CHLSN: variants seen among roughly 807,000 people sequenced by gnomAD.
The protein encoded by CHLSN is protein cholesin.
At chr7:999,700 C>T in the CHLSN span, among the ~76,000 whole-genome samples, 3 of 152,170 alleles carry the variant, frequency 2.0e-5, no homozygotes, top group South Asian at 2.1e-4. Flanking sequence ...AACACAGGCA[C>T]GGCAGGAGAA....
the CHLSN span, among the ~76,000 whole-genome samples, chr7:1,011,264 CACCCACACCCAGAT>C: frequency 4.3e-5 from 6 of 140,352 alleles, no homozygotes; most frequent in Non-Finnish European, 4.6e-5. Context: ...ATACCCAACA[CACCCACACCCAGAT>C]ACCCACACAT....
At chr7:1,092,215 A>G in the CHLSN span, 1 of 1,612,992 alleles carries the variant, frequency 6.2e-7, no homozygotes, top group Admixed American at 1.7e-5. Flanking sequence ...GGCCAGGGCC[A>G]TGCGCTGCAG....
At chr7:1,016,782 A>ACAGCGCACAGCAGCGCC in the CHLSN span, among the ~76,000 whole-genome samples, 2 of 63,538 alleles carry the variant, frequency 3.1e-5, 1 homozygote, top group Non-Finnish European at 5.7e-5. Context: ...ACAGCAGCGC[A>ACAGCGCACAGCAGCGCC]CAGCACACAG....
chr7:982,276 G>A, the CHLSN span, among the ~76,000 whole-genome samples: 9 of 152,368 alleles, frequency 5.9e-5, no homozygotes, highest in South Asian at 4.1e-4. Flanking sequence ...GGACCAACCC[G>A]GGAGGGGTGA....
At chr7:1,017,449 A>AG in the CHLSN span, among the ~76,000 whole-genome samples, 5 of 152,098 alleles carry the variant, frequency 3.3e-5, no homozygotes, top group African/African-American at 1.2e-4. Flanking sequence ...GGTGTGCATG[A>AG]GGCAGGCGCT....
At chr7:1,121,236 C>T in the CHLSN span, among the ~76,000 whole-genome samples, 2 of 151,684 alleles carry the variant, frequency 1.3e-5, no homozygotes, top group African/African-American at 2.4e-5. Flanking sequence ...AAAATTCAGT[C>T]GGCAGACAAC....
At chr7:998,457 CTTTTTTTTTTT>C in the CHLSN span, among the ~76,000 whole-genome samples, 3 of 95,026 alleles carry the variant, frequency 3.2e-5, no homozygotes, top group East Asian at 6.2e-4. Context: ...GTCTTAGATT[CTTTTTTTTTTT>C]TTTTTTTTTT....
At chr7:1,057,135 T>G in the CHLSN span, among the ~76,000 whole-genome samples, 1 of 152,002 alleles carries the variant, frequency 6.6e-6, no homozygotes, top group Non-Finnish European at 1.5e-5. Flanking sequence ...CACAGACATC[T>G]AGTAAACTTC....
the CHLSN span, among the ~76,000 whole-genome samples, chr7:1,007,702 C>CT: frequency 6.6e-6 from 1 of 152,180 alleles, no homozygotes; most frequent in African/African-American, 2.4e-5. Flanking sequence ...AGAGTCCCCC[C>CT]TCCTCCCACA....
At chr7:1,023,672 CACA>C in the CHLSN span, among the ~76,000 whole-genome samples, 426 of 104,748 alleles carry the variant, frequency 4.1e-3, 1 homozygote, top group African/African-American at 0.013. This position sits in a 1 kb window ranked among gnomAD's most constrained non-coding sequence, Gnocchi z 5.0. Context: ...CACACACACA[CACA>C]CACCAGCAAC....
chr7:1,030,250 C>T, the CHLSN span, among the ~76,000 whole-genome samples: 8 of 152,220 alleles, frequency 5.3e-5, no homozygotes, highest in Non-Finnish European at 1.2e-4. Context: ...ATAAACGCGC[C>T]AATCCTGCTC....
At chr7:1,029,029 G>A in the CHLSN span, 1 of 153,532 alleles carries the variant, frequency 6.5e-6, no homozygotes, top group East Asian at 1.9e-4. Context: ...TGAATACGTG[G>A]ATGAGTCACG....
At chr7:1,054,228 G>A in the CHLSN span, among the ~76,000 whole-genome samples, 26 of 152,216 alleles carry the variant, frequency 1.7e-4, no homozygotes, top group East Asian at 2.1e-3. Context: ...CGCAAAGCGC[G>A]TCACCTTCCA....
At chr7:1,113,173 T>C in the CHLSN span, among the ~76,000 whole-genome samples, 2 of 151,284 alleles carry the variant, frequency 1.3e-5, no homozygotes, top group Non-Finnish European at 2.9e-5. Flanking sequence ...TCCACGTCGA[T>C]GTCCTGGGGA....
the CHLSN span, among the ~76,000 whole-genome samples, chr7:1,103,841 C>T: frequency 1.3e-5 from 2 of 152,246 alleles, no homozygotes; most frequent in Non-Finnish European, 2.9e-5. Context: ...CAACCCGGAA[C>T]TAGCTTGGGG....
chr7:1,034,340 T>A, the CHLSN span, among the ~76,000 whole-genome samples: 1 of 150,856 alleles, frequency 6.6e-6, no homozygotes, highest in Non-Finnish European at 1.5e-5. Context: ...AGACATAAAT[T>A]CTCCCAAAAT....
the CHLSN span, among the ~76,000 whole-genome samples, chr7:1,068,088 C>T: frequency 9.2e-5 from 14 of 152,268 alleles, 1 homozygote; most frequent in Middle Eastern, 3.4e-3. Flanking sequence ...CAGTAAGGTC[C>T]GCTTCTCTGT....
chr7:986,928 G>C, the CHLSN span: 1 of 1,324,594 alleles, frequency 7.5e-7, no homozygotes, highest in Non-Finnish European at 1.0e-6. Flanking sequence ...GGGCCTCTCA[G>C]AGCCTCAGTC....
the CHLSN span, among the ~76,000 whole-genome samples, chr7:1,042,155 AACAC>A: frequency 6.6e-6 from 1 of 151,868 alleles, no homozygotes; most frequent in South Asian, 2.1e-4. Flanking sequence ...CCCCACCCGC[AACAC>A]ACACGGCACA....
Sources: allele counts gnomAD v4.1 joint callset (sites outside exome capture counted in the v4.1 genomes callset), GRCh38; gene constraint gnomAD v4.1.1; non-coding constraint Gnocchi (gnomAD v3.1); transcripts MANE v1.5; gene names NCBI Gene and HGNC (gene_info 2026-07-23, HGNC 2026-07-21).